DNAH2: variants seen among roughly 807,000 people sequenced by gnomAD.
DNAH2 encodes the protein dynein axonemal heavy chain 2.
Under a neutral mutation model 523.5 loss-of-function variants are expected in DNAH2, and 323 were observed. The ratio of observed to expected loss-of-function variants is 0.62; its 90% CI spans 0.56 to 0.68. The LOEUF is 0.68. Ranked by LOEUF, DNAH2 falls within the 30% of genes least tolerant of loss-of-function variation. The probability of loss-of-function intolerance (pLI) is 0.00; values close to 1 mark genes in which losing one functional copy is unlikely to be tolerated. For synonymous variants in DNAH2, 2,093 were observed against 2,177.4 expected (o/e 0.96, Z 1.08); for missense variants, 4,907 against 5,701.5 (o/e 0.86, Z 4.49).
At chr17:7,767,087 A>AGTCCCCC (rs1317167980) in intron 22 of DNAH2, among the ~76,000 whole-genome samples, 75 of 20,046 alleles carry the variant, frequency 3.7e-3, no homozygotes, top group African/African-American at 0.014. Context: ...CCCCCGCCCC[A>AGTCCCCC]GTCCCCCGTC....
chr17:7,752,396 T>C (rs915236676), intron 12 of DNAH2, among the ~76,000 whole-genome samples: 1 of 152,132 alleles, frequency 6.6e-6, no homozygotes, highest in Non-Finnish European at 1.5e-5. Flanking sequence ...AAACTTGTCA[T>C]AGACAGAGAT....
Position 7,798,076 on chromosome 17 carries a change from C to T in DNAH2, c.8231-81C>T. 1 of 1,501,202 alleles carries T rather than the reference C, an allele frequency of 6.7e-7. No homozygotes were observed. The highest frequency in any genetic ancestry group is 1.3e-5 in the South Asian group (1 of 74,808). 93.0% of individuals were successfully genotyped at this position (1,501,202 alleles called of 1,614,324 possible). A position where few individuals can be genotyped will look rare whatever the true frequency, so the allele number is the denominator to read the frequency against. On this transcript the variant is annotated intron_variant, in intron 53 of 85. Coordinates refer to ENST00000572933, the MANE Select transcript of DNAH2 (RefSeq NM_020877.5). This position sits in a 1 kb window ranked among gnomAD's most constrained non-coding sequence, Gnocchi z 5.5. The stretch of plus-strand genomic sequence containing the variant: ...GGTTCCTCTGCTTCAGTTTCAGGGG[C>T]CCCAATCCCTAGCCTAGGGCCTGGA...
intron 22 of DNAH2, among the ~76,000 whole-genome samples, chr17:7,766,740 C>T (rs542792716): frequency 1.3e-5 from 2 of 148,796 alleles, no homozygotes; most frequent in East Asian, 2.0e-4. Context: ...CTCTGCCTCC[C>T]GGGTTCAAGC....
At position 7,767,649 on chromosome 17, in the gene DNAH2, G is replaced by A. The variant is rs1274814909; in HGVS notation, c.3676-251G>A. Among the ~76,000 whole-genome samples, 4 of 148,892 alleles carry A rather than the reference G, an allele frequency of 2.7e-5. No individual in the cohort carries two copies. In the East Asian group the frequency reaches 7.8e-4, roughly 29 times the overall value. On this transcript the variant is annotated intron_variant, in intron 22 of 85. Transcript: ENST00000572933. ...TTTGGTTCTAGCCATCCTAGCGGGT[G>A]TGAAGTGGCATCCCACTGAGGTTTT...
chr17:7,749,800 G>A (rs894753968), intron 12 of DNAH2, among the ~76,000 whole-genome samples: 3 of 152,030 alleles, frequency 2.0e-5, no homozygotes, highest in Non-Finnish European at 4.4e-5. Flanking sequence ...TTCGAGACCA[G>A]CCTGGCCAAC....
chr17:7,775,166 C>A, intron 29 of DNAH2, 75 bp from the exon 30 acceptor site: 1 of 1,488,716 alleles, frequency 6.7e-7, no homozygotes. Flanking sequence ...TAATTATCCT[C>A]AAAAGGCCCC....
chr17:7,797,207 A>T lies in DNAH2; in HGVS notation c.7895A>T (p.Asp2632Val), dbSNP rs1238600002. ...VFQGMLRANK[D>V]FHDTKSSITR... ...CAGGGCATGCTTAGAGCCAACAAGG[A>T]CTTCCATGATACCAAGTCCAGCATC... is the stretch of plus-strand genomic sequence containing the variant. Residue 2632 changes from aspartate (D) to valine (V), a missense_variant, in exon 51 of 86, where the codon GAC becomes GTC. By Grantham distance (152) the Asp-to-Val change is radical. Around this residue, in one of 3 missense-constraint regions of DNAH2, gnomAD observed 250 missense variants for 371.3 expected, o/e 0.67. Coordinates refer to ENST00000572933, the MANE Select transcript of DNAH2 (RefSeq NM_020877.5). 6.2e-7 allele frequency: 1 copy of T among 1,613,306 alleles called. No individual in the cohort carries two copies. Among genetic ancestry groups the T allele is most frequent in the Non-Finnish European group, 8.5e-7 (1 of 1,179,900 alleles).
intron 24 of DNAH2, among the ~76,000 whole-genome samples, 153 bp downstream of exon 24, chr17:7,768,420 T>C (rs535372877): frequency 6.6e-6 from 1 of 152,342 alleles, no homozygotes; most frequent in African/African-American, 2.4e-5. Context: ...CTTTTTAACA[T>C]TTAATTTTGA....
At chr17:7,792,565 G>C in intron 46 of DNAH2, 92 bp from the exon 47 acceptor site, 1 of 1,176,418 alleles carries the variant, frequency 8.5e-7, no homozygotes, top group Non-Finnish European at 1.2e-6. Flanking sequence ...GCAGGGTGCT[G>C]ATGAGACAGT....
intron 28 of DNAH2, among the ~76,000 whole-genome samples, chr17:7,773,191 T>C (rs2076364591): frequency 1.3e-5 from 2 of 152,320 alleles, no homozygotes; most frequent in South Asian, 4.1e-4. Flanking sequence ...GGGGGTCTTC[T>C]GCCGCCTGCT....
In DNAH2 at chr17:7,831,087, T is replaced by C; in HGVS notation, c.12232T>C (p.Leu4078=). 5.6e-6 allele frequency: 9 copies of C among 1,612,730 alleles called. No homozygotes were observed. Among genetic ancestry groups the C allele is most frequent in the Non-Finnish European group, 7.6e-6 (9 of 1,179,834 alleles). The change falls in exon 80 of 86, where the codon TTG becomes CTG. Residue 4078 remains leucine, a splice_region_variant and synonymous_variant. Coordinates refer to ENST00000572933, the MANE Select transcript of DNAH2 (RefSeq NM_020877.5). The surrounding 1 kb of genome is among the most constrained non-coding windows in gnomAD (Gnocchi z 4.2). ...AGTAATTATGCTATGACTCCCTAGG[T>C]TGTCAGCACTGGAGACTTATTTCAT... ...DQSLSTPFHR[L]SALETYFIPK...
Position 7,796,598 on chromosome 17 carries a change from C to T in DNAH2, c.7809C>T (p.Phe2603=). 6.2e-7 allele frequency: 1 copy of T among 1,613,092 alleles called. No individual in the cohort carries two copies. The highest frequency in any genetic ancestry group is 8.5e-7 in the Non-Finnish European group (1 of 1,179,842). The change falls in exon 50 of 86, where the codon TTC becomes TTT. Residue 2603 remains phenylalanine (F), a synonymous_variant. Coordinates refer to ENST00000572933, the MANE Select transcript of DNAH2 (RefSeq NM_020877.5). The stretch of plus-strand genomic sequence containing the variant: ...TGTACAACACCGTGGTACAGCGCTT[C>T]CTGCCCACGCCCACCAAGATGCATT... ...LDMYNTVVQR[F]LPTPTKMHYL...
intron 24 of DNAH2, among the ~76,000 whole-genome samples, chr17:7,769,729 G>A (rs1472708803): frequency 2.6e-5 from 4 of 151,962 alleles, no homozygotes. Context: ...TTTTATAAAT[G>A]GTGTTTCAAT....
Position 7,740,793 on chromosome 17 carries a change from T to C in DNAH2, c.1507-17T>C. ...CCTTCCCGGGCACGTCGCCAGCCTC[T>C]TCCTCTTCTTCCCTAGGCTATCAAG... On this transcript the variant is annotated splice_polypyrimidine_tract_variant and intron_variant, in intron 10 of 85. Coordinates refer to ENST00000572933, the MANE Select transcript of DNAH2 (RefSeq NM_020877.5). 2 of 1,595,228 alleles carry C rather than the reference T, an allele frequency of 1.3e-6. No homozygotes were observed. The highest frequency in any genetic ancestry group is 1.7e-6 in the Non-Finnish European group (2 of 1,164,516).
At position 7,770,815 on chromosome 17, in the gene DNAH2, C is replaced by T; in HGVS notation, c.4244C>T (p.Ala1415Val). Residue 1415 changes from alanine to valine, a missense_variant, in exon 27 of 86, where the codon GCA (alanine) becomes GTA (valine). This residue lies in a region of DNAH2 where 2,806 missense variants were observed against 3,190.8 expected (regional missense o/e 0.88). Coordinates refer to ENST00000572933, the MANE Select transcript of DNAH2 (RefSeq NM_020877.5). Reference protein sequence around the residue: ...DNQVALSTMKASRFVKAFEKD... With the variant: ...DNQVALSTMKVSRFVKAFEKD... Reference sequence around the variant, plus strand: ...CAGGTAGCTCTGTCTACCATGAAGGCATCACGCTTTGTCAAGGCCTTTGAG... The same window carrying T: ...CAGGTAGCTCTGTCTACCATGAAGGTATCACGCTTTGTCAAGGCCTTTGAG... The T allele has an allele frequency of 1.2e-6, 2 of 1,614,166 alleles. No homozygotes were observed. Among genetic ancestry groups the T allele is most frequent in the Non-Finnish European group, 1.7e-6 (2 of 1,180,014 alleles).
chr17:7,731,066 C>T (rs898975129), intron 4 of DNAH2, among the ~76,000 whole-genome samples: 1 of 151,788 alleles, frequency 6.6e-6, no homozygotes, highest in African/African-American at 2.4e-5. Flanking sequence ...TGCAGTGAGC[C>T]AAGATCACGC....
chr17:7,816,875 T>C, intron 64 of DNAH2, 140 bp downstream of exon 64: 1 of 1,082,528 alleles, frequency 9.2e-7, no homozygotes, highest in South Asian at 1.7e-5. Flanking sequence ...GCGTGGGAGC[T>C]CTTCCCCTCC....
intron 4 of DNAH2, among the ~76,000 whole-genome samples, chr17:7,729,384 A>C (rs1231125985): frequency 6.6e-6 from 1 of 151,662 alleles, no homozygotes; most frequent in Non-Finnish European, 1.5e-5. Flanking sequence ...CCATCTCCAA[A>C]AAGAAAAAAA....
intron 58 of DNAH2, 61 bp from the exon 59 acceptor site, chr17:7,804,195 C>T (rs1597717933): frequency 6.4e-7 from 1 of 1,566,280 alleles, no homozygotes; most frequent in Non-Finnish European, 8.7e-7. Flanking sequence ...GTGGACCTTA[C>T]AGGACACCGC....
Sources: gnomAD v4.1 joint callset for allele counts (sites outside exome capture counted in the v4.1 genomes callset) on GRCh38, gnomAD v4.1.1 for gene constraint, gnomAD v4.1.1 regional missense constraint, Gnocchi (gnomAD v3.1) non-coding constraint, MANE v1.5 for transcripts, NCBI Gene and HGNC (gene_info 2026-07-23, HGNC 2026-07-21) for gene names.